CERS1: variants seen among roughly 807,000 people sequenced by gnomAD.
CERS1 encodes Embryonic growth/differentiation factor 1.
A neutral mutation model predicts 35.7 loss-of-function variants in CERS1; 16 were observed. The observed-to-expected ratio is 0.45, with a 90% confidence interval of 0.30 to 0.68. CERS1 has a LOEUF of 0.68. Ranked by LOEUF, CERS1 falls within the 30% of genes least tolerant of loss-of-function variation. The pLI is 0.08. For synonymous variants in CERS1, 243 were observed against 201.6 expected (o/e 1.21, Z -1.74); for missense variants, 454 against 453.9 (o/e 1.00, Z 0.00).
chr19:18,872,563 G>A (rs547761146), intron 6 of CERS1, among the ~76,000 whole-genome samples: 29 of 150,266 alleles, frequency 1.9e-4, no homozygotes, highest in African/African-American at 6.6e-4. Flanking sequence ...TCCCCCAGGC[G>A]GGAATGCGGT....
chr19:18,870,007 T>A lies in CERS1; in HGVS notation c.*570A>T, dbSNP rs1396771162. 6.3e-7 allele frequency: 1 copy of A among 1,596,730 alleles called. No homozygotes were observed. The highest frequency in any genetic ancestry group is 1.1e-5 in the South Asian group (1 of 88,296). On this transcript the variant is annotated 3_prime_UTR_variant, in exon 7 of 8. Coordinates refer to ENST00000623882, the MANE Select transcript of CERS1 (RefSeq NM_021267.5). This position sits in a 1 kb window ranked among gnomAD's most constrained non-coding sequence, Gnocchi z 5.1. The stretch of plus-strand genomic sequence containing the variant: ...CCGCGGTCCGGGATGTGGCGCACGA[T>A]GTTTCCGGCGACCCCCAGCTCCTCC...
intron 1 of CERS1, 144 bp from the exon 2 acceptor site, chr19:18,893,719 C>G (rs1458007993): frequency 3.6e-6 from 3 of 829,698 alleles, no homozygotes; most frequent in Non-Finnish European, 5.5e-6. Context: ...CCACCTGGAG[C>G]ATAAACAGAG....
Position 18,868,781 on chromosome 19 carries a change from G to C in CERS1, c.*1204C>G, listed in dbSNP as rs759759832. On this transcript the variant is annotated 3_prime_UTR_variant, in exon 8 of 8. Transcript: ENST00000623882. Reference sequence around the variant, plus strand: ...CAGCACAGCGTGGTTGAGCGCCGGCGGCCCCCCGGACCCCGACAGCGCGAC... The same window carrying C: ...CAGCACAGCGTGGTTGAGCGCCGGCCGCCCCCCGGACCCCGACAGCGCGAC... The C allele has an allele frequency of 6.8e-7, 1 of 1,465,846 alleles. No individual in the cohort carries two copies. Among genetic ancestry groups the C allele is most frequent in the Non-Finnish European group, 9.1e-7 (1 of 1,100,262 alleles). The allele number at this position is 1,465,846 out of a possible 1,614,324, so 90.8% of individuals were successfully genotyped here. A position where few individuals can be genotyped will look rare whatever the true frequency, so the allele number is the denominator to read the frequency against.
At chr19:18,876,200 G>A (rs2056057873) in intron 6 of CERS1, among the ~76,000 whole-genome samples, 1 of 152,168 alleles carries the variant, frequency 6.6e-6, no homozygotes, top group Non-Finnish European at 1.5e-5. Context: ...TAGCCAGGCT[G>A]GTTTCCAACT....
chr19:18,880,291 G>C lies in CERS1; in HGVS notation c.735C>G (p.Leu245=). The C allele has an allele frequency of 6.4e-7, 1 of 1,551,514 alleles. No homozygotes were observed. Among genetic ancestry groups the C allele is most frequent in the Non-Finnish European group, 8.7e-7 (1 of 1,147,662 alleles). Residue 245 remains leucine, a synonymous_variant, in exon 4 of 8, where the codon CTC becomes CTG. Transcript: ENST00000623882. ...CCACTCACCAGCTGAAGCCGAAGCTGAGGCAGCCCAAGTCTGCTGCCAAGG... is the reference window on the plus strand; with the variant it reads ...CCACTCACCAGCTGAAGCCGAAGCTCAGGCAGCCCAAGTCTGCTGCCAAGG... ...LHALAADLGC[L]SFGFSWFWFR...
In CERS1 at chr19:18,879,004, G is replaced by T; in HGVS notation, c.936C>A (p.Gly312=). 4 of 1,613,750 alleles carry T rather than the reference G, an allele frequency of 2.5e-6. No homozygotes were observed. Residue 312 remains glycine (G), a synonymous_variant, in exon 6 of 8, where the codon GGC becomes GGA. Coordinates refer to ENST00000623882, the MANE Select transcript of CERS1 (RefSeq NM_021267.5). ...IVAFAAKVLT[G]QVHELKDLRE... is the part of the protein sequence containing the mutation. ...GCAGGTCCTTCAGCTCGTGCACCTG[G>T]CCTGTCAACACCTTGGCTGCAAACG...
At chr19:18,881,379 C>T (rs2146022291) in intron 3 of CERS1, among the ~76,000 whole-genome samples, 1 of 152,154 alleles carries the variant, frequency 6.6e-6, no homozygotes, top group Admixed American at 6.5e-5. Context: ...TGCCACCACG[C>T]CCAGTTAATT....
At chr19:18,886,872 A>C in intron 2 of CERS1, among the ~76,000 whole-genome samples, 2 of 150,964 alleles carry the variant, frequency 1.3e-5, no homozygotes, top group Admixed American at 6.6e-5. Flanking sequence ...TGCCACCCCC[A>C]CCCCAGTCCA....
chr19:18,868,882 C>G lies in CERS1; in HGVS notation c.*1103G>C, dbSNP rs767303516. 4.2e-6 allele frequency: 6 copies of G among 1,431,508 alleles called. No homozygotes were observed. Among genetic ancestry groups the G allele is most frequent in the South Asian group, 3.7e-5 (3 of 80,514 alleles). 88.7% of individuals were successfully genotyped at this position (1,431,508 alleles called of 1,614,324 possible). A position where few individuals can be genotyped will look rare whatever the true frequency, so the allele number is the denominator to read the frequency against. ...CGATGACCCAGCGGTGCCAGCCCAC[C>G]TCGCGGAAGCTCACGTACAGCCGCC... is the stretch of plus-strand genomic sequence containing the variant. On this transcript the variant is annotated 3_prime_UTR_variant, in exon 8 of 8. Coordinates refer to ENST00000623882, the MANE Select transcript of CERS1 (RefSeq NM_021267.5).
intron 7 of CERS1, 134 bp from the exon 8 acceptor site, chr19:18,869,524 G>T: frequency 1.6e-6 from 2 of 1,257,478 alleles, no homozygotes. Context: ...TGAAGCGGCG[G>T]GGTGGGCTGA....
chr19:18,895,525 T>G lies in CERS1; in HGVS notation c.249+299A>C, dbSNP rs2056604224. Among the ~76,000 whole-genome samples the G allele has an allele frequency of 6.6e-6, 1 of 150,412 alleles. No homozygotes were observed. Among genetic ancestry groups the G allele is most frequent in the African/African-American group, 2.5e-5 (1 of 40,576 alleles). On this transcript the variant is annotated intron_variant, in intron 1 of 7. Coordinates refer to ENST00000623882, the MANE Select transcript of CERS1 (RefSeq NM_021267.5). This position sits in a 1 kb window ranked among gnomAD's most constrained non-coding sequence, Gnocchi z 6.4. ...GCCTCGGTCCCCCACGTCTCAAACA[T>G]CCCACCTGTCTCGGGCCCCCCATGT...
intron 1 of CERS1, 45 bp from the exon 2 acceptor site, chr19:18,893,620 A>G: frequency 6.4e-7 from 1 of 1,566,280 alleles, no homozygotes; most frequent in Middle Eastern, 2.1e-4. Context: ...GCTGGGGGCC[A>G]GAGACTGCTC....
intron 6 of CERS1, chr19:18,877,862 C>A (rs1246070023): frequency 1.7e-6 from 1 of 605,224 alleles, no homozygotes; most frequent in East Asian, 1.4e-4. Flanking sequence ...ACCCATGTGA[C>A]CCTCTGCCCC....
intron 2 of CERS1, among the ~76,000 whole-genome samples, chr19:18,887,614 G>A (rs747447701): frequency 4.6e-5 from 7 of 151,890 alleles, no homozygotes; most frequent in African/African-American, 7.3e-5. Flanking sequence ...GCATGGTGGC[G>A]CATGCCTGTA....
At position 18,870,350 on chromosome 19, in the gene CERS1, C is replaced by T. The variant is rs1274337123; in HGVS notation, c.*227G>A. The T allele has an allele frequency of 6.5e-7, 1 of 1,540,062 alleles. No homozygotes were observed. The highest frequency in any genetic ancestry group is 8.7e-7 in the Non-Finnish European group (1 of 1,145,060). ...ACCAGAGAGTGCGCAGGGTCCGCGG[C>T]GGCCCGGGACCAGTGGGCTGAGGGC... is the stretch of plus-strand genomic sequence containing the variant. On this transcript the variant is annotated 3_prime_UTR_variant, in exon 7 of 8. Coordinates refer to ENST00000623882, the MANE Select transcript of CERS1 (RefSeq NM_021267.5). This position sits in a 1 kb window ranked among gnomAD's most constrained non-coding sequence, Gnocchi z 5.1.
chr19:18,882,879 G>A (rs2056250314), intron 3 of CERS1, among the ~76,000 whole-genome samples: 1 of 151,972 alleles, frequency 6.6e-6, no homozygotes, highest in African/African-American at 2.4e-5. Context: ...TTTTAGTAGA[G>A]ACACGGTTTC....
chr19:18,872,717 T>TG (rs2055996502), intron 6 of CERS1, among the ~76,000 whole-genome samples: 3 of 68,870 alleles, frequency 4.4e-5, no homozygotes, highest in African/African-American at 1.7e-4. Context: ...GGTTTTACCA[T>TG]GTTGGCCAGG....
At chr19:18,869,709 A>C (rs1391299121) in intron 7 of CERS1, among the ~76,000 whole-genome samples, 2 of 91,596 alleles carry the variant, frequency 2.2e-5, no homozygotes, top group African/African-American at 8.6e-5. Flanking sequence ...ATCTGCAGGA[A>C]GGCATTAGTG....
Position 18,868,821 on chromosome 19 carries a change from G to T in CERS1, c.*1164C>A. On this transcript the variant is annotated 3_prime_UTR_variant, in exon 8 of 8. Transcript: ENST00000623882. Reference sequence around the variant, plus strand: ...GACAGCGCGACGGGCAGCGCGCACTGACCCTGGCAGTAGTTGGCCAGGAAG... The same window carrying T: ...GACAGCGCGACGGGCAGCGCGCACTTACCCTGGCAGTAGTTGGCCAGGAAG... The T allele has an allele frequency of 2.1e-6, 3 of 1,457,648 alleles. No homozygotes were observed. Among genetic ancestry groups the T allele is most frequent in the South Asian group, 2.5e-5 (2 of 81,160 alleles). 90.3% of individuals were successfully genotyped at this position (1,457,648 alleles called of 1,614,324 possible). A position where few individuals can be genotyped will look rare whatever the true frequency, so the allele number is the denominator to read the frequency against.
Sources: allele counts gnomAD v4.1 joint callset (sites outside exome capture counted in the v4.1 genomes callset), GRCh38; gene constraint gnomAD v4.1.1; non-coding constraint Gnocchi (gnomAD v3.1); transcripts MANE v1.5; gene names NCBI Gene and HGNC (gene_info 2026-07-23, HGNC 2026-07-21).